The following PDE4B variants were observed in gnomAD, a reference collection of about 807,000 sequenced individuals.
The protein encoded by PDE4B is phosphodiesterase 4B, also known as 3',5'-cyclic-AMP phosphodiesterase 4B.
Under a neutral mutation model 82.2 loss-of-function variants are expected in PDE4B, and 20 were observed. The ratio of observed to expected loss-of-function variants is 0.24; its 90% confidence interval spans 0.17 to 0.35. The LOEUF is 0.35. Ranked by LOEUF, PDE4B falls within the 10% of genes least tolerant of loss-of-function variation. The pLI, the probability that PDE4B is intolerant of heterozygous loss-of-function variation, is 1.00. For missense variants in PDE4B, 655 were observed against 907.2 expected (o/e 0.72, Z 3.57); for synonymous variants, 320 against 318.9 (o/e 1.00, Z -0.04).
chr1:66,038,907 A>C (rs1350141569), intron 3 of PDE4B, among the ~76,000 whole-genome samples: 1 of 152,056 alleles, frequency 6.6e-6, no homozygotes, highest in African/African-American at 2.4e-5. Context: ...ACATGTTTTC[A>C]CTCCTATTTT....
At chr1:66,061,729 C>T (rs1396589679) in intron 3 of PDE4B, among the ~76,000 whole-genome samples, 2 of 151,960 alleles carry the variant, frequency 1.3e-5, no homozygotes, top group African/African-American at 2.4e-5. Context: ...TTACAAATAA[C>T]TGTTTTATCA....
intron 7 of PDE4B, among the ~76,000 whole-genome samples, chr1:66,317,020 A>G (rs558604325): frequency 6.6e-6 from 1 of 152,326 alleles, no homozygotes; most frequent in South Asian, 2.1e-4. Flanking sequence ...TCATTCTCAA[A>G]CAATTCTTGT....
chr1:65,871,619 C>A (rs1474542281), intron 1 of PDE4B, among the ~76,000 whole-genome samples: 1 of 152,260 alleles, frequency 6.6e-6, no homozygotes, highest in East Asian at 1.9e-4. Flanking sequence ...AACTAACTAC[C>A]AGCTATGAAA....
At chr1:66,361,941 AG>A in intron 10 of PDE4B, 148 bp downstream of exon 10, 5 of 576,778 alleles carry the variant, frequency 8.7e-6, no homozygotes, top group Non-Finnish European at 1.5e-5. Flanking sequence ...CTTTACTGTG[AG>A]CAGTAAGGCC....
At chr1:66,068,775 A>G (rs1656001264) in intron 3 of PDE4B, among the ~76,000 whole-genome samples, 1 of 152,032 alleles carries the variant, frequency 6.6e-6, no homozygotes, top group Non-Finnish European at 1.5e-5. Context: ...GGGATCATGG[A>G]AAAGGAAGAT....
chr1:66,094,833 A>T (rs1557556598), intron 3 of PDE4B, among the ~76,000 whole-genome samples: 1 of 151,972 alleles, frequency 6.6e-6, no homozygotes, highest in Non-Finnish European at 1.5e-5. Flanking sequence ...ACCTTTGCAG[A>T]CATAAATATT....
At chr1:66,076,725 T>C (rs544511972) in intron 3 of PDE4B, among the ~76,000 whole-genome samples, 1 of 152,328 alleles carries the variant, frequency 6.6e-6, no homozygotes, top group Admixed American at 6.5e-5. Flanking sequence ...TGAAATGGTA[T>C]CTCATTGTGG....
At chr1:66,187,484 G>A (rs1379612285) in intron 3 of PDE4B, among the ~76,000 whole-genome samples, 1 of 152,158 alleles carries the variant, frequency 6.6e-6, no homozygotes, top group Non-Finnish European at 1.5e-5. Flanking sequence ...TGGTTGGTAA[G>A]CTATTGATTA....
At chr1:65,957,860 A>G (rs924334797) in intron 3 of PDE4B, among the ~76,000 whole-genome samples, 2 of 152,138 alleles carry the variant, frequency 1.3e-5, no homozygotes, top group Non-Finnish European at 2.9e-5. Context: ...TTATATTTTG[A>G]CATTACAACC....
chr1:66,028,012 C>A (rs992192602), intron 3 of PDE4B, among the ~76,000 whole-genome samples: 1 of 152,222 alleles, frequency 6.6e-6, no homozygotes, highest in African/African-American at 2.4e-5. Context: ...CACAGCTCCA[C>A]TAGACAGTGC....
chr1:66,033,414 A>G (rs937301333), intron 3 of PDE4B, among the ~76,000 whole-genome samples: 1 of 152,094 alleles, frequency 6.6e-6, no homozygotes, highest in Non-Finnish European at 1.5e-5. Context: ...CAGGTTCTAC[A>G]TGTTCATCCT....
intron 1 of PDE4B, among the ~76,000 whole-genome samples, chr1:65,852,233 G>C (rs186947903): frequency 1.3e-5 from 2 of 151,932 alleles, no homozygotes; most frequent in Non-Finnish European, 2.9e-5. Context: ...AAAATGAAAT[G>C]AGATTTTTTT....
At chr1:66,252,842 G>C (rs1336550514) in intron 4 of PDE4B, among the ~76,000 whole-genome samples, 1 of 152,200 alleles carries the variant, frequency 6.6e-6, no homozygotes, top group South Asian at 2.1e-4. Flanking sequence ...AGGAGGCTGA[G>C]ATAGCAGGAT....
At chr1:66,208,626 C>T (rs1649760017) in intron 3 of PDE4B, among the ~76,000 whole-genome samples, 1 of 152,150 alleles carries the variant, frequency 6.6e-6, no homozygotes, top group African/African-American at 2.4e-5. Context: ...ATAACTGGAA[C>T]CATGCAAAAT....
At chr1:66,169,083 A>G (rs1316487422) in intron 3 of PDE4B, among the ~76,000 whole-genome samples, 1 of 152,216 alleles carries the variant, frequency 6.6e-6, no homozygotes, top group African/African-American at 2.4e-5. Context: ...TTCTCATTTG[A>G]TTGCAAACCA....
chr1:66,173,492 C>T (rs1257421065), intron 3 of PDE4B, among the ~76,000 whole-genome samples: 3 of 152,174 alleles, frequency 2.0e-5, no homozygotes, highest in Non-Finnish European at 2.9e-5. Flanking sequence ...CTGCTAAACC[C>T]GCAAGAGTCT....
chr1:66,014,490 C>A (rs558365898), intron 3 of PDE4B, among the ~76,000 whole-genome samples: 1 of 152,064 alleles, frequency 6.6e-6, no homozygotes. Context: ...TAGAGTCCAA[C>A]TGCTTTCTTT....
At chr1:65,993,087 T>C (rs372397597) in intron 3 of PDE4B, 1 of 1,613,886 alleles carries the variant, frequency 6.2e-7, no homozygotes, top group Non-Finnish European at 8.5e-7. Context: ...TTTCAGAAAG[T>C]TGCTGGTGAA....
At chr1:66,226,598 T>C (rs1405568889) in intron 3 of PDE4B, among the ~76,000 whole-genome samples, 2 of 152,148 alleles carry the variant, frequency 1.3e-5, no homozygotes, top group African/African-American at 4.8e-5. Context: ...TCAAAGAGCC[T>C]GTGGCAAGGA....
Sources: gnomAD v4.1 joint callset for allele counts (sites outside exome capture counted in the v4.1 genomes callset) on GRCh38, gnomAD v4.1.1 for gene constraint, MANE v1.5 for transcripts, NCBI Gene and HGNC (gene_info 2026-07-23, HGNC 2026-07-21) for gene names.